The following CHODL variants were observed in gnomAD, a reference collection of about 807,000 sequenced individuals.
The protein encoded by CHODL is transmembrane protein MT75.
In CHODL, 29 loss-of-function variants were observed where a neutral mutation model predicts 34.5. The ratio of observed to expected loss-of-function variants is 0.84; its 90% CI spans 0.63 to 1.15. The LOEUF (loss-of-function observed/expected upper bound fraction) is 1.15, where lower values mean the gene tolerates loss of function less well. Ranked by LOEUF, CHODL falls within the 50% of genes most tolerant of loss-of-function variation. The pLI is 0.00. For synonymous variants in CHODL, 125 were observed against 116.1 expected (o/e 1.08, Z -0.49); for missense variants, 332 against 332.5 (o/e 1.00, Z 0.01).
chr21:17,966,074 C>T (rs906010108), intron 1 of CHODL, among the ~76,000 whole-genome samples: 1 of 151,972 alleles, frequency 6.6e-6, no homozygotes, highest in Non-Finnish European at 1.5e-5. Context: ...ACGGAATCCA[C>T]CTCTGCATAT....
At chr21:18,195,811 A>G (rs1332407895) in intron 2 of CHODL, among the ~76,000 whole-genome samples, 1 of 152,200 alleles carries the variant, frequency 6.6e-6, no homozygotes, top group African/African-American at 2.4e-5. Flanking sequence ...CCAGCCAGTA[A>G]TACTACCTGG....
chr21:18,033,423 A>T lies in CHODL; in HGVS notation c.-45+5452A>T, dbSNP rs1289960960. Among the ~76,000 whole-genome samples, 5 of 152,160 alleles carry T rather than the reference A, an allele frequency of 3.3e-5. No individual in the cohort carries two copies. In the East Asian group the frequency reaches 7.8e-4, roughly 24 times the overall value. On this transcript the variant is annotated intron_variant, in intron 2 of 6. Coordinates refer to the CHODL transcript ENST00000400127. Reference sequence around the variant, plus strand: ...TATATTTAAAAAGAACCATTTATTTATTATTCTCTTCAGGTGGTATCAGAA... The same window carrying T: ...TATATTTAAAAAGAACCATTTATTTTTTATTCTCTTCAGGTGGTATCAGAA...
chr21:18,176,213 A>G (rs1295247056), intron 2 of CHODL, among the ~76,000 whole-genome samples: 4 of 152,214 alleles, frequency 2.6e-5, no homozygotes, highest in African/African-American at 9.6e-5. Flanking sequence ...AAGAATTGGC[A>G]AAGAAATATG....
chr21:18,112,422 T>C (rs1568892741), intron 2 of CHODL, among the ~76,000 whole-genome samples: 1 of 151,680 alleles, frequency 6.6e-6, no homozygotes, highest in Admixed American at 6.6e-5. Context: ...AATCCAAAAA[T>C]TTATATGGAA....
intron 1 of CHODL, among the ~76,000 whole-genome samples, chr21:17,950,607 A>G (rs369033420): frequency 1.3e-5 from 2 of 152,186 alleles, no homozygotes; most frequent in South Asian, 2.1e-4. Flanking sequence ...AAAGATTTTT[A>G]TGTTCCAATG....
At chr21:17,966,390 A>G (rs2063572171) in intron 1 of CHODL, among the ~76,000 whole-genome samples, 1 of 152,240 alleles carries the variant, frequency 6.6e-6, no homozygotes, top group Non-Finnish European at 1.5e-5. Context: ...TTGAAGGGGC[A>G]TGCAAGAAAT....
chr21:18,260,806 T>C (rs1241421611), intron 4 of CHODL, among the ~76,000 whole-genome samples: 1 of 151,276 alleles, frequency 6.6e-6, no homozygotes, highest in Non-Finnish European at 1.5e-5. Flanking sequence ...AGTGAGACCC[T>C]GTCTCAAAAA....
intron 2 of CHODL, among the ~76,000 whole-genome samples, chr21:18,080,863 T>A (rs2064933474): frequency 6.6e-6 from 1 of 152,210 alleles, no homozygotes; most frequent in Admixed American, 6.5e-5. Flanking sequence ...ATTCCCCTAA[T>A]TCTGTGAAAA....
At chr21:18,171,188 G>C (rs1273270581) in intron 2 of CHODL, among the ~76,000 whole-genome samples, 1 of 31,368 alleles carries the variant, frequency 3.2e-5, no homozygotes, top group Non-Finnish European at 6.4e-5. Context: ...TTCAGACATG[G>C]TTTTCTTTAG....
intron 2 of CHODL, among the ~76,000 whole-genome samples, chr21:18,227,845 A>G (rs576405830): frequency 6.6e-6 from 1 of 152,322 alleles, no homozygotes; most frequent in South Asian, 2.1e-4. Flanking sequence ...ATTTTTCTGC[A>G]GGGAAAAATT....
intron 5 of CHODL, among the ~76,000 whole-genome samples, chr21:18,264,349 A>G (rs1346937985): frequency 6.6e-6 from 1 of 152,064 alleles, no homozygotes; most frequent in Non-Finnish European, 1.5e-5. Context: ...TACTTTTGAC[A>G]GGGCATCCAG....
In CHODL at chr21:17,992,131, T is replaced by G. The variant is rs1432964089; in HGVS notation, c.-144-35741T>G. Among the ~76,000 whole-genome samples, 7 of 152,212 alleles carry G rather than the reference T, an allele frequency of 4.6e-5. No homozygotes were observed. The East Asian group carries it at 1.3e-3, about 29-fold the overall frequency. On this transcript the variant is annotated intron_variant, in intron 1 of 6. Coordinates refer to the CHODL transcript ENST00000400127. ...GTGCCTTTGTTGAAAATAAGTTGGC[T>G]ATGAATATATGGATTTATTTCTGGG... is the stretch of plus-strand genomic sequence containing the variant.
chr21:18,088,377 C>T (rs2065033037), intron 2 of CHODL, among the ~76,000 whole-genome samples: 1 of 152,138 alleles, frequency 6.6e-6, no homozygotes, highest in Non-Finnish European at 1.5e-5. Context: ...TCTGTAGATC[C>T]TGATATCTAG....
chr21:18,076,563 G>A (rs1184843323), intron 2 of CHODL, among the ~76,000 whole-genome samples: 2 of 152,130 alleles, frequency 1.3e-5, no homozygotes, highest in Non-Finnish European at 2.9e-5. Context: ...TTGAAGATTT[G>A]GAATATTCTG....
chr21:18,163,075 G>A (rs560622991), intron 2 of CHODL, among the ~76,000 whole-genome samples: 1 of 152,238 alleles, frequency 6.6e-6, no homozygotes, highest in South Asian at 2.1e-4. Context: ...CATTCTACTG[G>A]AAAGGATACT....
At chr21:18,063,072 A>G (rs2064689049) in intron 2 of CHODL, among the ~76,000 whole-genome samples, 1 of 152,322 alleles carries the variant, frequency 6.6e-6, no homozygotes, top group Non-Finnish European at 1.5e-5. Flanking sequence ...CTGAGCTAAA[A>G]CATCGTTTCA....
In CHODL at chr21:17,928,234, T is replaced by C. The variant is rs373701137; in HGVS notation, c.-145+10834T>C. On this transcript the variant is annotated intron_variant, in intron 1 of 6. Transcript: ENST00000400127. ...TGCACAGTATAAAAAGAATAAACTA[T>C]ACTCTTGTCTTCAATGAATTTATAG... Among the ~76,000 whole-genome samples, 10 of 152,340 alleles carry C rather than the reference T, an allele frequency of 6.6e-5. No individual in the cohort carries two copies. In the East Asian group the frequency reaches 1.9e-3, roughly 29 times the overall value.
At chr21:17,938,362 G>A (rs576357916) in intron 1 of CHODL, among the ~76,000 whole-genome samples, 2 of 144,884 alleles carry the variant, frequency 1.4e-5, no homozygotes, top group South Asian at 4.6e-4. Flanking sequence ...AGTAGATACA[G>A]TTGAATAAAA....
intron 2 of CHODL, among the ~76,000 whole-genome samples, chr21:18,163,389 T>G (rs775154201): frequency 5.3e-5 from 8 of 152,206 alleles, no homozygotes; most frequent in Non-Finnish European, 1.0e-4. Context: ...CTGAACAAAT[T>G]AAACCATTTT....
Sources: allele counts gnomAD v4.1 joint callset (sites outside exome capture counted in the v4.1 genomes callset), GRCh38; gene constraint gnomAD v4.1.1; transcripts MANE v1.5; gene names NCBI Gene and HGNC (gene_info 2026-07-23, HGNC 2026-07-21).